The following NEDD4L variants were observed in gnomAD, a reference collection of about 807,000 sequenced individuals.
The protein encoded by NEDD4L is NEDD4 like E3 ubiquitin protein ligase.
NEDD4L carries 54 observed loss-of-function variants against 148.9 expected under a neutral mutation model. That is an observed-to-expected ratio of 0.36 (90% CI 0.29 to 0.45). NEDD4L has a LOEUF of 0.45. NEDD4L is among the 20% of genes least tolerant of loss of function. NEDD4L has a pLI of 1.00. For synonymous variants in NEDD4L, 433 were observed against 440.7 expected (o/e 0.98, Z 0.22); for missense variants, 856 against 1,233.8 (o/e 0.69, Z 4.59).
At chr18:58,363,088 T>G (rs1357160966) in intron 19 of NEDD4L, among the ~76,000 whole-genome samples, 2 of 152,242 alleles carry the variant, frequency 1.3e-5, no homozygotes, top group Non-Finnish European at 2.9e-5. Context: ...CTAAGCTATA[T>G]AAAGATGATG....
intron 2 of NEDD4L, among the ~76,000 whole-genome samples, chr18:58,176,175 C>T (rs569348785): frequency 6.6e-6 from 1 of 152,226 alleles, no homozygotes; most frequent in South Asian, 2.1e-4. Flanking sequence ...AAAGAGCAAA[C>T]TAGACTGCTT....
chr18:58,311,855 T>C (rs2057739891), intron 5 of NEDD4L, among the ~76,000 whole-genome samples: 1 of 152,208 alleles, frequency 6.6e-6, no homozygotes, highest in Non-Finnish European at 1.5e-5. Context: ...GAAATGCCCA[T>C]AGGCTATAAT....
intron 1 of NEDD4L, among the ~76,000 whole-genome samples, chr18:58,123,392 G>A (rs750707099): frequency 2.6e-5 from 4 of 152,086 alleles, no homozygotes; most frequent in Admixed American, 6.5e-5. Flanking sequence ...TGGAAATCCC[G>A]GGCTTTGCCA....
At chr18:58,338,067 TAA>T (rs1227022940) in intron 13 of NEDD4L, among the ~76,000 whole-genome samples, 1 of 152,254 alleles carries the variant, frequency 6.6e-6, no homozygotes, top group Non-Finnish European at 1.5e-5. Flanking sequence ...TGGTTATTTT[TAA>T]AAGCATATTG....
intron 2 of NEDD4L, among the ~76,000 whole-genome samples, chr18:58,187,394 A>C (rs1055752902): frequency 6.6e-6 from 1 of 152,182 alleles, no homozygotes; most frequent in East Asian, 1.9e-4. Flanking sequence ...TGGAAGGAAA[A>C]TCAGCAGAGG....
At chr18:58,158,627 C>T (rs2035806733) in intron 1 of NEDD4L, among the ~76,000 whole-genome samples, 1 of 152,144 alleles carries the variant, frequency 6.6e-6, no homozygotes, top group African/African-American at 2.4e-5. Flanking sequence ...AAACTCATAT[C>T]CTTAGGGTGT....
chr18:58,115,206 C>G (rs2085723711), intron 1 of NEDD4L, among the ~76,000 whole-genome samples: 1 of 148,500 alleles, frequency 6.7e-6, no homozygotes, highest in African/African-American at 2.5e-5. Flanking sequence ...AGATGTTTTT[C>G]TTTTCTTTTT....
intron 1 of NEDD4L, among the ~76,000 whole-genome samples, chr18:58,124,425 C>G (rs1235982273): frequency 6.6e-6 from 1 of 152,338 alleles, no homozygotes; most frequent in Admixed American, 6.5e-5. Flanking sequence ...CCTCTGGCTA[C>G]TCCTCTGCTT....
At chr18:58,371,203 A>ATTTTTTTTTTTTTTTTTT (rs34960405) in intron 23 of NEDD4L, among the ~76,000 whole-genome samples, 3 of 92,990 alleles carry the variant, frequency 3.2e-5, no homozygotes, top group Non-Finnish European at 5.8e-5. Flanking sequence ...TGCCTGGCTA[A>ATTTTTTTTTTTTTTTTTT]TTTTTTTTTT....
At chr18:58,278,231 A>G (rs939098847) in intron 5 of NEDD4L, among the ~76,000 whole-genome samples, 3 of 152,216 alleles carry the variant, frequency 2.0e-5, no homozygotes, top group Non-Finnish European at 2.9e-5. Context: ...TCAACAGTGT[A>G]TGATGTGGTC....
chr18:58,259,561 C>T (rs1205668430), intron 5 of NEDD4L, among the ~76,000 whole-genome samples: 2 of 152,106 alleles, frequency 1.3e-5, no homozygotes, highest in African/African-American at 4.8e-5. Flanking sequence ...CTGTGAAACT[C>T]TGCATTTTAC....
intron 3 of NEDD4L, among the ~76,000 whole-genome samples, chr18:58,245,766 C>T (rs866913960): frequency 1.3e-4 from 19 of 150,068 alleles, no homozygotes; most frequent in African/African-American, 2.9e-4. Context: ...CTGCACCCTC[C>T]GCCTCCTGGG....
At chr18:58,329,367 T>TTTTATG in intron 10 of NEDD4L, among the ~76,000 whole-genome samples, 1 of 152,252 alleles carries the variant, frequency 6.6e-6, no homozygotes, top group Admixed American at 6.5e-5. Flanking sequence ...TTATTTTTAT[T>TTTTATG]TTTTTTGAAG....
At chr18:58,373,037 G>A in intron 23 of NEDD4L, 137 bp from the exon 24 acceptor site, 1 of 615,882 alleles carries the variant, frequency 1.6e-6, no homozygotes, top group Non-Finnish European at 3.0e-6. Flanking sequence ...GGTTTAGGTG[G>A]AGCAGGAAAC....
At chr18:58,112,460 G>GTATA (rs150981639) in intron 1 of NEDD4L, among the ~76,000 whole-genome samples, 5 of 150,102 alleles carry the variant, frequency 3.3e-5, no homozygotes, top group African/African-American at 7.3e-5. Context: ...TTTTCAGTAT[G>GTATA]TATATATATA....
At chr18:58,293,528 T>C (rs1318639525) in intron 5 of NEDD4L, among the ~76,000 whole-genome samples, 1 of 152,226 alleles carries the variant, frequency 6.6e-6, no homozygotes, top group Non-Finnish European at 1.5e-5. Flanking sequence ...AGAAAGCTCT[T>C]GCTTCTGAAG....
intron 1 of NEDD4L, among the ~76,000 whole-genome samples, chr18:58,092,021 C>T (rs749746523): frequency 4.7e-4 from 72 of 152,222 alleles, no homozygotes; most frequent in Non-Finnish European, 3.2e-4. Flanking sequence ...GAACTCATGA[C>T]TCTGTTATTC....
chr18:58,259,502 C>T (rs1439742175), intron 5 of NEDD4L, among the ~76,000 whole-genome samples: 1 of 152,182 alleles, frequency 6.6e-6, no homozygotes, highest in Admixed American at 6.5e-5. Context: ...GTTGGACCAC[C>T]ATTTACCAGC....
At chr18:58,103,806 G>A (rs1351981334) in intron 1 of NEDD4L, among the ~76,000 whole-genome samples, 1 of 152,248 alleles carries the variant, frequency 6.6e-6, no homozygotes, top group Non-Finnish European at 1.5e-5. Flanking sequence ...GAGACTGCCT[G>A]CGCAGCCCGA....
Sources: allele counts gnomAD v4.1 joint callset (sites outside exome capture counted in the v4.1 genomes callset), GRCh38; gene constraint gnomAD v4.1.1; transcripts MANE v1.5; gene names NCBI Gene and HGNC (gene_info 2026-07-23, HGNC 2026-07-21).